Variants in EXT2 observed in about 807,000 individuals in gnomAD.
The protein encoded by EXT2 is exostosin glycosyltransferase 2.
In EXT2, 53 loss-of-function variants were observed where a neutral mutation model predicts 81.6. The ratio of observed to expected loss-of-function variants is 0.65; its 90% CI spans 0.52 to 0.82. EXT2 has a LOEUF of 0.82. Ranked by LOEUF, EXT2 falls within the 40% of genes least tolerant of loss-of-function variation. EXT2 has a pLI of 0.00. For synonymous variants in EXT2, 320 were observed against 340.0 expected (o/e 0.94, Z 0.65); for missense variants, 774 against 910.2 (o/e 0.85, Z 1.93).
intron 8 of EXT2, among the ~76,000 whole-genome samples, chr11:44,172,409 A>G (rs1317812573): frequency 6.6e-6 from 1 of 152,060 alleles, no homozygotes; most frequent in African/African-American, 2.4e-5. Context: ...AAAATGCCTG[A>G]AGTTTTGGAG....
intron 7 of EXT2, among the ~76,000 whole-genome samples, chr11:44,143,227 C>A (rs185165239): frequency 6.6e-6 from 1 of 152,258 alleles, no homozygotes. Context: ...GCTGGGATTA[C>A]AGGCATGAGC....
intron 5 of EXT2, among the ~76,000 whole-genome samples, chr11:44,125,421 T>C (rs77425466): frequency 0.039 from 5,959 of 152,024 alleles, 166 homozygotes; most frequent in Non-Finnish European, 0.062. Context: ...GGTTTAGGGG[T>C]TGTTTTGATT....
intron 7 of EXT2, among the ~76,000 whole-genome samples, chr11:44,140,843 T>C (rs925372612): frequency 6.6e-6 from 1 of 152,222 alleles, no homozygotes; most frequent in African/African-American, 2.4e-5. Context: ...AAACATGTTA[T>C]TTTTCCTTTT....
chr11:44,142,265 AG>A (rs1954656370), intron 7 of EXT2, among the ~76,000 whole-genome samples: 1 of 152,234 alleles, frequency 6.6e-6, no homozygotes, highest in African/African-American at 2.4e-5. Context: ...CATAATTTAT[AG>A]TTTTATAATA....
At chr11:44,238,862 C>G (rs1055794278) in intron 13 of EXT2, among the ~76,000 whole-genome samples, 1 of 152,154 alleles carries the variant, frequency 6.6e-6, no homozygotes, top group Non-Finnish European at 1.5e-5. Context: ...AGAATGCTGG[C>G]CTATTAGTGC....
intron 7 of EXT2, among the ~76,000 whole-genome samples, chr11:44,139,887 G>A (rs910380466): frequency 1.3e-5 from 2 of 152,120 alleles, no homozygotes; most frequent in Non-Finnish European, 2.9e-5. Flanking sequence ...GAGTCCAGGA[G>A]CTCAGGCAGG....
At chr11:44,207,426 T>C (rs61879103) in intron 10 of EXT2, among the ~76,000 whole-genome samples, 5,645 of 152,248 alleles carry the variant, frequency 0.037, 133 homozygotes, top group Middle Eastern at 0.061. Context: ...GGAGAAACAT[T>C]CCCTATCACC....
intron 8 of EXT2, among the ~76,000 whole-genome samples, chr11:44,191,025 G>A (rs746347165): frequency 6.6e-6 from 1 of 152,186 alleles, no homozygotes; most frequent in Non-Finnish European, 1.5e-5. Context: ...AGTCTCCCAA[G>A]GCCTTTCCTT....
Position 44,245,249 on chromosome 11 carries a change from TA to T in EXT2, c.*966del, listed in dbSNP as rs1260136872. On this transcript the variant is annotated 3_prime_UTR_variant, in exon 14 of 14. Coordinates refer to ENST00000533608, the MANE Select transcript of EXT2 (RefSeq NM_207122.2). ...AAGGAGTCGCTCTAGCTGGTACCCG[TA>T]AAAGTTGTGGGAATTGTGACCCCCA... 4.4e-6 allele frequency: 1 copy of T among 226,972 alleles called. No individual in the cohort carries two copies. The highest frequency in any genetic ancestry group is 2.2e-5 in the African/African-American group (1 of 44,948). 14.1% of individuals were successfully genotyped at this position (226,972 alleles called of 1,614,324 possible).
chr11:44,158,701 A>T (rs1188748103), intron 7 of EXT2, among the ~76,000 whole-genome samples: 1 of 151,324 alleles, frequency 6.6e-6, no homozygotes, highest in Admixed American at 6.6e-5. Flanking sequence ...TTCTTTCCTT[A>T]TGTAGATCTG....
intron 1 of EXT2, among the ~76,000 whole-genome samples, chr11:44,107,036 T>C (rs1954065296): frequency 6.6e-6 from 1 of 152,206 alleles, no homozygotes; most frequent in Non-Finnish European, 1.5e-5. Context: ...ATTCCACTTT[T>C]GATTTTTCTG....
At chr11:44,164,013 G>GAGT (rs1555011755) in intron 7 of EXT2, among the ~76,000 whole-genome samples, 1 of 152,034 alleles carries the variant, frequency 6.6e-6, no homozygotes, top group Non-Finnish European at 1.5e-5. Context: ...TACAGTTCTA[G>GAGT]AGTACTCTGT....
intron 5 of EXT2, among the ~76,000 whole-genome samples, chr11:44,126,508 T>C (rs765228193): frequency 2.6e-5 from 4 of 152,194 alleles, no homozygotes; most frequent in Admixed American, 6.5e-5. Context: ...AAGAGACCCA[T>C]TTGCAGGAAG....
At chr11:44,104,822 A>C (rs1954032609) in intron 1 of EXT2, 1 of 152,240 alleles carries the variant, frequency 6.6e-6, no homozygotes, top group African/African-American at 2.4e-5. Flanking sequence ...GCAGGCAGGA[A>C]TATTCTGCTT....
At chr11:44,198,237 G>A in intron 9 of EXT2, 1 of 591,246 alleles carries the variant, frequency 1.7e-6, no homozygotes, top group Middle Eastern at 4.7e-4. Flanking sequence ...GAGGGCTTAG[G>A]AATCAACAGG....
chr11:44,098,476 TG>T (rs1222217339), intron 1 of EXT2, among the ~76,000 whole-genome samples: 4 of 151,996 alleles, frequency 2.6e-5, no homozygotes, highest in Non-Finnish European at 5.9e-5. Flanking sequence ...GTGGATTACC[TG>T]AGGTCAGGAG....
chr11:44,219,677 GT>G (rs1955761677), intron 10 of EXT2, among the ~76,000 whole-genome samples: 1 of 152,100 alleles, frequency 6.6e-6, no homozygotes, highest in Non-Finnish European at 1.5e-5. Flanking sequence ...CTGCAGAAGG[GT>G]TTTTCTTTAT....
chr11:44,195,155 CCGGG>C (rs1298485639), intron 8 of EXT2, among the ~76,000 whole-genome samples: 1 of 152,108 alleles, frequency 6.6e-6, no homozygotes, highest in East Asian at 1.9e-4. Context: ...CCTTTCCTGG[CCGGG>C]CGCGGTGGCT....
At chr11:44,216,806 A>G (rs1038502085) in intron 10 of EXT2, among the ~76,000 whole-genome samples, 3 of 151,624 alleles carry the variant, frequency 2.0e-5, no homozygotes, top group Non-Finnish European at 4.4e-5. Context: ...GTAAGAGGGA[A>G]GAGATGTAAG....
Sources: gnomAD v4.1 joint callset for allele counts (sites outside exome capture counted in the v4.1 genomes callset) on GRCh38, gnomAD v4.1.1 for gene constraint, MANE v1.5 for transcripts, NCBI Gene and HGNC (gene_info 2026-07-23, HGNC 2026-07-21) for gene names.